Variants in PRDM16 observed in about 807,000 individuals in gnomAD.
PRDM16 encodes histone-lysine N-methyltransferase PRDM16.
In PRDM16, 23 loss-of-function variants were observed where a neutral mutation model predicts 110.6. The ratio of observed to expected loss-of-function variants is 0.21; its 90% CI spans 0.15 to 0.29. The LOEUF (loss-of-function observed/expected upper bound fraction) is 0.29, where lower values mean the gene tolerates loss of function less well. Ranked by LOEUF, PRDM16 falls within the 10% of genes least tolerant of loss-of-function variation. PRDM16 has a pLI of 1.00. For synonymous variants in PRDM16, 799 were observed against 781.8 expected (o/e 1.02, Z -0.37); for missense variants, 1,615 against 1,794.3 (o/e 0.90, Z 1.81).
chr1:3,151,091 G>A (rs1026184426), intron 1 of PRDM16, among the ~76,000 whole-genome samples: 2 of 152,184 alleles, frequency 1.3e-5, no homozygotes, highest in Non-Finnish European at 2.9e-5. Context: ...CGGGACCCCT[G>A]GGCCTCCTGG....
At chr1:3,376,265 A>G (rs1642988565) in intron 3 of PRDM16, among the ~76,000 whole-genome samples, 1 of 152,162 alleles carries the variant, frequency 6.6e-6, no homozygotes, top group African/African-American at 2.4e-5. Flanking sequence ...TGTGGCCCCA[A>G]GAGGCTACAA....
intron 1 of PRDM16, among the ~76,000 whole-genome samples, chr1:3,070,780 C>G (rs1249378005): frequency 6.6e-6 from 1 of 152,188 alleles, no homozygotes; most frequent in South Asian, 2.1e-4. Flanking sequence ...GCCGTAGGCC[C>G]CGCGCTCTGT....
intron 3 of PRDM16, among the ~76,000 whole-genome samples, chr1:3,295,780 A>G (rs1257076299): frequency 6.6e-6 from 1 of 152,062 alleles, no homozygotes; most frequent in East Asian, 1.9e-4. Context: ...TAGGCTGAAG[A>G]CACCACGCGT....
chr1:3,404,149 C>T (rs190566028), intron 6 of PRDM16, among the ~76,000 whole-genome samples: 212 of 152,316 alleles, frequency 1.4e-3, no homozygotes, highest in Non-Finnish European at 2.5e-3. Flanking sequence ...TGAAGATTAA[C>T]GGTCATCCCT....
intron 1 of PRDM16, among the ~76,000 whole-genome samples, chr1:3,111,155 A>C (rs1041742123): frequency 6.6e-6 from 1 of 152,134 alleles, no homozygotes; most frequent in Non-Finnish European, 1.5e-5. Flanking sequence ...GACCCTGTCC[A>C]CACCTGGCCT....
chr1:3,147,411 G>A (rs1643697248), intron 1 of PRDM16, among the ~76,000 whole-genome samples: 1 of 152,072 alleles, frequency 6.6e-6, no homozygotes, highest in Non-Finnish European at 1.5e-5. Context: ...ACATCCACAG[G>A]GAGACTGGGG....
chr1:3,247,713 G>C (rs891830023), intron 3 of PRDM16, among the ~76,000 whole-genome samples: 19 of 151,526 alleles, frequency 1.3e-4, no homozygotes, highest in Admixed American at 3.9e-4. Context: ...GCTCTGGTGC[G>C]CTCGCCCTGG....
rs16824333 is a variant in PRDM16, at chr1:3,339,077, G to A, written c.439-46075G>A. Among the ~76,000 whole-genome samples, 3,252 of 152,226 alleles carry A rather than the reference G, an allele frequency of 0.021. 176 individuals are homozygous for A. Among genetic ancestry groups the A allele is most frequent in the East Asian group, 0.11 (581 of 5,138 alleles). On this transcript the variant is annotated intron_variant, in intron 3 of 16. Transcript: ENST00000270722. This position sits in a 1 kb window ranked among gnomAD's most constrained non-coding sequence, Gnocchi z 5.0. ...GGAGAGTTGCAGCTTCAAGGCGATC[G>A]ATGGGGAGCTTCCGTGCACTCCCCT... is the stretch of plus-strand genomic sequence containing the variant.
At chr1:3,420,915 C>T (rs140282857) in intron 12 of PRDM16, among the ~76,000 whole-genome samples, 1,977 of 152,100 alleles carry the variant, frequency 0.013, 19 homozygotes, top group Non-Finnish European at 0.021. Flanking sequence ...AGCCTGGATG[C>T]GAGCAGGGCT....
At chr1:3,186,496 T>G in intron 2 of PRDM16, 22 bp downstream of exon 2, 1 of 1,385,682 alleles carries the variant, frequency 7.2e-7, no homozygotes, top group Non-Finnish European at 9.8e-7. Flanking sequence ...CGCCTGAGTA[T>G]GATTGATCAC....
At chr1:3,197,883 A>G (rs1396971389) in intron 2 of PRDM16, among the ~76,000 whole-genome samples, 1 of 151,736 alleles carries the variant, frequency 6.6e-6, no homozygotes, top group African/African-American at 2.4e-5. Context: ...TGAACCTCGC[A>G]CTCCTCAGGG....
At chr1:3,266,870 A>C (rs1220908667) in intron 3 of PRDM16, among the ~76,000 whole-genome samples, 1 of 151,826 alleles carries the variant, frequency 6.6e-6, no homozygotes, top group African/African-American at 2.4e-5. Flanking sequence ...TAGAGACCGG[A>C]TTTTGCCGTG....
chr1:3,284,297 C>T (rs554047704), intron 3 of PRDM16, among the ~76,000 whole-genome samples: 1 of 152,366 alleles, frequency 6.6e-6, no homozygotes, highest in East Asian at 1.9e-4. Flanking sequence ...CGGCCCCTGT[C>T]TGGCTTTTTA....
At chr1:3,261,023 G>A (rs1248336657) in intron 3 of PRDM16, among the ~76,000 whole-genome samples, 1 of 150,818 alleles carries the variant, frequency 6.6e-6, no homozygotes, top group East Asian at 2.0e-4. Context: ...ACAGAGGGTA[G>A]ACACTCTGTT....
Position 3,434,288 on chromosome 1 carries a change from A to C in PRDM16, c.*477A>C, listed in dbSNP as rs139858854. The C allele has an allele frequency of 4.3e-6, 1 of 233,524 alleles. No individual in the cohort carries two copies. The highest frequency in any genetic ancestry group is 8.4e-6 in the Non-Finnish European group (1 of 118,370). The allele number at this position is 233,524 out of a possible 1,614,324, so 14.5% of individuals were successfully genotyped here. On this transcript the variant is annotated 3_prime_UTR_variant, in exon 17 of 17. Coordinates refer to ENST00000270722, the MANE Select transcript of PRDM16 (RefSeq NM_022114.4). ...TATTGACTGCAGAGTCTATTTAAGC[A>C]TGTGGTTTTAAAAATAGACAGTATT...
Position 3,404,804 on chromosome 1 carries a change from C to T in PRDM16, c.950C>T (p.Ala317Val). The change falls in exon 7 of 17, where the codon GCC becomes GTC. Residue 317 changes from alanine (A) to valine (V), a missense_variant. Around this residue, in one of 5 missense-constraint regions of PRDM16, gnomAD observed 416 missense variants for 467.1 expected, o/e 0.89. Transcript: ENST00000270722. ...REYKCDQCPKAFNWKSNLIRH... is the reference protein window; with the variant it reads ...REYKCDQCPKVFNWKSNLIRH... The stretch of plus-strand genomic sequence containing the variant: ...TACAAATGCGACCAGTGTCCCAAGG[C>T]CTTCAACTGGAAGTCCAACCTCATC... 6.2e-7 allele frequency: 1 copy of T among 1,613,732 alleles called. No individual in the cohort carries two copies. The highest frequency in any genetic ancestry group is 8.5e-7 in the Non-Finnish European group (1 of 1,179,992).
At chr1:3,114,076 T>G (rs918108110) in intron 1 of PRDM16, among the ~76,000 whole-genome samples, 2 of 151,984 alleles carry the variant, frequency 1.3e-5, no homozygotes, top group Non-Finnish European at 2.9e-5. Context: ...AAGTGTAGAT[T>G]TGTATTTGCA....
rs569187747 is a variant in PRDM16 at position 3,418,545 on chromosome 1, G to C, written c.2862-122G>C. Reference sequence around the variant, plus strand: ...GGAAGGGACTGAAACTGGGATGCTGGGATGGGTCCACCTGTGCATCAGGTG... The same window carrying C: ...GGAAGGGACTGAAACTGGGATGCTGCGATGGGTCCACCTGTGCATCAGGTG... On this transcript the variant is annotated intron_variant, in intron 11 of 16. Coordinates refer to ENST00000270722, the MANE Select transcript of PRDM16 (RefSeq NM_022114.4). The C allele has an allele frequency of 9.6e-4, 672 of 699,576 alleles. 2 individuals carry two copies. Among genetic ancestry groups the C allele is most frequent in the Non-Finnish European group, 1.3e-3 (497 of 389,864 alleles). 43.3% of individuals were successfully genotyped at this position (699,576 alleles called of 1,614,324 possible).
chr1:3,405,589 C>T lies in PRDM16; in HGVS notation c.1127C>T (p.Ala376Val). ...HACPDCGKTF[A>V]TSSGLKQHKH... ...TGCCCCGACTGCGGGAAGACCTTCG[C>T]CACGTCCTCCGGCCTCAAGCAGCAC... Residue 376 changes from alanine to valine, a missense_variant, in exon 8 of 17, where the codon GCC becomes GTC. Ala to Val is a moderately conservative substitution (Grantham distance 64). Coordinates refer to ENST00000270722, the MANE Select transcript of PRDM16 (RefSeq NM_022114.4). 6.2e-7 allele frequency: 1 copy of T among 1,611,552 alleles called. No individual in the cohort carries two copies. Among genetic ancestry groups the T allele is most frequent in the Non-Finnish European group, 8.5e-7 (1 of 1,179,214 alleles).
Sources: gnomAD v4.1 joint callset for allele counts (sites outside exome capture counted in the v4.1 genomes callset) on GRCh38, gnomAD v4.1.1 for gene constraint, gnomAD v4.1.1 regional missense constraint, Gnocchi (gnomAD v3.1) non-coding constraint, MANE v1.5 for transcripts, NCBI Gene and HGNC (gene_info 2026-07-23, HGNC 2026-07-21) for gene names.